Variants in CUBN observed in about 807,000 individuals in gnomAD.
CUBN encodes 460 kDa receptor.
CUBN carries 282 observed loss-of-function variants against 405.3 expected under a neutral mutation model. The ratio of observed to expected loss-of-function variants is 0.70; its 90% CI spans 0.63 to 0.77. The LOEUF (loss-of-function observed/expected upper bound fraction) is 0.77, where lower values mean the gene tolerates loss of function less well. CUBN is among the 30% of genes least tolerant of loss of function. The pLI is 0.00. For synonymous variants in CUBN, 1,684 were observed against 1,617.0 expected (o/e 1.04, Z -0.99); for missense variants, 4,514 against 4,475.2 (o/e 1.01, Z -0.25).
chr10:17,109,663 T>G lies in CUBN; in HGVS notation c.1088A>C (p.Asp363Ala), dbSNP rs138044409. The G allele has an allele frequency of 5.9e-5, 96 of 1,613,852 alleles. 1 individual carries two copies. In the South Asian group the frequency reaches 9.7e-4, roughly 16 times the overall value. The change falls in exon 10 of 67, where the codon GAT becomes GCT. Residue 363 changes from aspartate to alanine, a missense_variant. Asp to Ala is a moderately radical substitution (Grantham distance 126). Around this residue, in one of 5 missense-constraint regions of CUBN, gnomAD observed 1,448 missense variants for 1,388.0 expected, o/e 1.04. Transcript: ENST00000377833. ...CSVSNGGCHP[D>A]ASCSSTLGSL... is the part of the protein sequence containing the mutation. ...ACCTAGAGTTGAGGAGCATGAGGCA[T>G]CTGGGTGGCAGCCTCCATTACTGAC...
chr10:16,904,659 C>T (rs1157637212), intron 50 of CUBN, among the ~76,000 whole-genome samples: 2 of 152,242 alleles, frequency 1.3e-5, no homozygotes, highest in African/African-American at 2.4e-5. Context: ...AGAGCACCAA[C>T]AGAGCTCTCA....
At chr10:16,888,009 G>A (rs1035503157) in intron 56 of CUBN, among the ~76,000 whole-genome samples, 2 of 152,200 alleles carry the variant, frequency 1.3e-5, no homozygotes, top group African/African-American at 4.8e-5. Context: ...TCACTTGGAT[G>A]TGGAATCTAA....
At chr10:16,858,051 C>T (rs1839910533) in intron 59 of CUBN, among the ~76,000 whole-genome samples, 1 of 151,860 alleles carries the variant, frequency 6.6e-6, no homozygotes, top group Non-Finnish European at 1.5e-5. Flanking sequence ...AAAAACAATA[C>T]CATTTATAAT....
intron 22 of CUBN, 106 bp downstream of exon 22, chr10:17,065,402 T>C (rs924042379): frequency 3.5e-6 from 5 of 1,412,258 alleles, no homozygotes; most frequent in East Asian, 2.3e-5. Context: ...ATAGCTCTCA[T>C]TGTGTGCCAC....
chr10:16,984,395 A>T, intron 29 of CUBN, 116 bp from the exon 30 acceptor site: 2 of 1,009,230 alleles, frequency 2.0e-6, no homozygotes, highest in Non-Finnish European at 3.0e-6. Context: ...AGAGATTGAA[A>T]TCTCAGCCTC....
At chr10:16,903,197 C>T (rs554967184) in intron 51 of CUBN, among the ~76,000 whole-genome samples, 1 of 152,132 alleles carries the variant, frequency 6.6e-6, no homozygotes, top group Non-Finnish European at 1.5e-5. Context: ...AAAGTTGAAT[C>T]ATCTCAATGG....
At chr10:17,017,770 T>A (rs929737623) in intron 28 of CUBN, among the ~76,000 whole-genome samples, 3 of 152,088 alleles carry the variant, frequency 2.0e-5, no homozygotes, top group African/African-American at 7.2e-5. Context: ...ATATTAGAAA[T>A]CATTCTTACA....
At chr10:16,864,999 T>C (rs982599252) in intron 59 of CUBN, among the ~76,000 whole-genome samples, 3 of 120,274 alleles carry the variant, frequency 2.5e-5, no homozygotes, top group African/African-American at 1.1e-4. Context: ...TTGCTCTTGT[T>C]GCCCAGGCTG....
intron 40 of CUBN, among the ~76,000 whole-genome samples, chr10:16,930,633 G>A (rs895242030): frequency 3.9e-5 from 6 of 152,142 alleles, no homozygotes; most frequent in Non-Finnish European, 8.8e-5. Flanking sequence ...GGGATCTTTG[G>A]TATACAGAAT....
intron 22 of CUBN, among the ~76,000 whole-genome samples, chr10:17,061,027 C>A (rs550800348): frequency 2.0e-5 from 3 of 152,064 alleles, no homozygotes; most frequent in African/African-American, 2.4e-5. Flanking sequence ...CCAGCCTGGG[C>A]AACAAGAGTG....
At chr10:16,892,427 G>GT (rs1392013849) in intron 54 of CUBN, among the ~76,000 whole-genome samples, 1 of 151,916 alleles carries the variant, frequency 6.6e-6, no homozygotes, top group Non-Finnish European at 1.5e-5. Flanking sequence ...GTATATGGCA[G>GT]TTTTTTATCC....
chr10:16,952,395 G>A lies in CUBN; in HGVS notation c.4856-6C>T. On this transcript the variant is annotated splice_polypyrimidine_tract_variant and splice_region_variant and intron_variant, in intron 32 of 66. Coordinates refer to ENST00000377833, the MANE Select transcript of CUBN (RefSeq NM_001081.4). ...GAGGATGTGGCCTCCGCAGGCTGGG[G>A]AACACACAAACACACATACATGTCA... The A allele has an allele frequency of 6.4e-7, 1 of 1,552,546 alleles. No individual in the cohort carries two copies. The highest frequency in any genetic ancestry group is 8.9e-7 in the Non-Finnish European group (1 of 1,124,226).
chr10:16,905,786 C>G (rs1043654073), intron 50 of CUBN, among the ~76,000 whole-genome samples: 1 of 152,088 alleles, frequency 6.6e-6, no homozygotes, highest in Non-Finnish European at 1.5e-5. Flanking sequence ...AGCCATTTGA[C>G]TCCCTTCATT....
chr10:17,045,694 C>T (rs1835117061), intron 24 of CUBN, among the ~76,000 whole-genome samples: 1 of 152,026 alleles, frequency 6.6e-6, no homozygotes, highest in African/African-American at 2.4e-5. Context: ...CCCCAATTTC[C>T]ATTAATGCAA....
rs1200636588 is a variant in CUBN at position 17,041,136 on chromosome 10, T to C, written c.3914A>G (p.His1305Arg). The change falls in exon 27 of 67, where the codon CAT (histidine) becomes CGT (arginine). Residue 1305 changes from histidine (H) to arginine (R), a missense_variant. By Grantham distance (29) the His-to-Arg change is conservative (BLOSUM62 0). Transcript: ENST00000377833. ...TGTTGCCCGGATGGTCCAGTTGCAA[T>C]GCTGATTTTCAGAATAAGGATTCGG... ...GYPNPYSENQ[H>R]CNWTIRATTG... 2 of 1,613,672 alleles carry C rather than the reference T, an allele frequency of 1.2e-6. No individual in the cohort carries two copies. The highest frequency in any genetic ancestry group is 1.7e-6 in the Non-Finnish European group (2 of 1,179,784).
chr10:17,105,234 C>T (rs552307951), intron 11 of CUBN, among the ~76,000 whole-genome samples: 15 of 152,140 alleles, frequency 9.9e-5, no homozygotes, highest in South Asian at 6.2e-4. Flanking sequence ...AAACTGCAGG[C>T]GTAGTTTTAG....
intron 22 of CUBN, among the ~76,000 whole-genome samples, chr10:17,065,129 TC>T (rs11368099): frequency 0.79 from 96,138 of 121,650 alleles, 37,433 homozygotes; most frequent in South Asian, 0.87. Flanking sequence ...TCTCTCTCTC[TC>T]CCCCCCCCCC....
At chr10:17,106,434 T>A (rs896468954) in intron 10 of CUBN, among the ~76,000 whole-genome samples, 2 of 151,662 alleles carry the variant, frequency 1.3e-5, no homozygotes, top group African/African-American at 2.4e-5. Flanking sequence ...AAGCCCTGTC[T>A]CTACTAAAAA....
At chr10:17,117,176 T>C (rs1221916505) in intron 6 of CUBN, among the ~76,000 whole-genome samples, 1 of 152,048 alleles carries the variant, frequency 6.6e-6, no homozygotes, top group African/African-American at 2.4e-5. Flanking sequence ...CCTTCTCATA[T>C]TGTTTTCTTT....
Sources: allele counts gnomAD v4.1 joint callset (sites outside exome capture counted in the v4.1 genomes callset), GRCh38; gene constraint gnomAD v4.1.1; regional missense constraint gnomAD v4.1.1; transcripts MANE v1.5; gene names NCBI Gene and HGNC (gene_info 2026-07-23, HGNC 2026-07-21).